The following GUSB variants were observed in gnomAD, a reference collection of about 807,000 sequenced individuals.
GUSB encodes the protein glucuronidase beta, also known as beta-glucuronidase.
A neutral mutation model predicts 74.6 loss-of-function variants in GUSB; 51 were observed. That is an observed-to-expected ratio of 0.68 (90% CI 0.55 to 0.86). The LOEUF is 0.86. Ranked by LOEUF, GUSB falls within the 40% of genes least tolerant of loss-of-function variation. GUSB has a pLI of 0.00. For synonymous variants in GUSB, 360 were observed against 348.3 expected (o/e 1.03, Z -0.37); for missense variants, 736 against 853.7 (o/e 0.86, Z 1.72).
At chr7:65,970,915 A>G (rs563160450) in intron 8 of GUSB, among the ~76,000 whole-genome samples, 32 of 142,556 alleles carry the variant, frequency 2.2e-4, no homozygotes, top group African/African-American at 4.3e-4. Context: ...AACAAAGGGG[A>G]AAAAAAAAAA....
In GUSB at chr7:65,973,281, C is replaced by T. The variant is rs369792261; in HGVS notation, c.1391+1014G>A. Reference sequence around the variant, plus strand: ...AGCCTGGCCCAACATAGTGAAACCCCGTCTCTACTGAAAAATGCAAAAGTT... The same window carrying T: ...AGCCTGGCCCAACATAGTGAAACCCTGTCTCTACTGAAAAATGCAAAAGTT... On this transcript the variant is annotated intron_variant, in intron 8 of 11. Coordinates refer to ENST00000304895, the MANE Select transcript of GUSB (RefSeq NM_000181.4). Among the ~76,000 whole-genome samples, 5 of 152,170 alleles carry T rather than the reference C, an allele frequency of 3.3e-5. No homozygotes were observed. The East Asian group carries it at 5.8e-4, about 18-fold the overall frequency.
chr7:65,980,184 T>A, intron 2 of GUSB, 40 bp downstream of exon 2: 1 of 720,098 alleles, frequency 1.4e-6, no homozygotes, highest in Non-Finnish European at 2.5e-6. Flanking sequence ...TCAGCAGCCG[T>A]GCCCCCCCAC....
chr7:65,963,203 A>G (rs1364803988), intron 11 of GUSB, among the ~76,000 whole-genome samples: 1 of 151,974 alleles, frequency 6.6e-6, no homozygotes, highest in East Asian at 1.9e-4. Flanking sequence ...TCTCCACAAA[A>G]CTGCCATCAG....
intron 4 of GUSB, 78 bp from the exon 5 acceptor site, chr7:65,976,280 C>A: frequency 1.1e-6 from 1 of 951,270 alleles, no homozygotes; most frequent in Non-Finnish European, 1.7e-6. Flanking sequence ...CTGCAGCCAC[C>A]GCTGCCAGGC....
chr7:65,981,899 C>A (rs1792052182), intron 1 of GUSB, 75 bp downstream of exon 1: 1 of 1,318,188 alleles, frequency 7.6e-7, no homozygotes, highest in Admixed American at 2.1e-5. Context: ...GGGAAGAAGT[C>A]TGCGGGGGGC....
intron 9 of GUSB, among the ~76,000 whole-genome samples, chr7:65,969,617 G>A (rs1398358433): frequency 2.0e-5 from 3 of 151,914 alleles, no homozygotes; most frequent in South Asian, 2.1e-4. Context: ...GGATCACTTG[G>A]GCTCAGGAAT....
chr7:65,960,950 A>G lies in GUSB; in HGVS notation c.1903T>C (p.Tyr635His). ...RYWKIANETR[Y>H]PHSVAKSQCL... ...TGTGACTTGGCTACTGAGTGGGGAT[A>G]CCTGGTTTCATTGGCAATCTTCCAG... is the stretch of plus-strand genomic sequence containing the variant. The change falls in exon 12 of 12, where the codon TAT becomes CAT. Residue 635 changes from tyrosine to histidine, a missense_variant. Tyr to His is a moderately conservative substitution (Grantham distance 83). This residue lies in a region of GUSB where 368 missense variants were observed against 489.9 expected (regional missense o/e 0.75). Transcript: ENST00000304895. The G allele has an allele frequency of 1.2e-6, 2 of 1,613,920 alleles. No individual in the cohort carries two copies. The highest frequency in any genetic ancestry group is 1.7e-6 in the Non-Finnish European group (2 of 1,179,932).
chr7:65,975,132 C>A, intron 5 of GUSB, 61 bp from the exon 6 acceptor site: 2 of 1,529,290 alleles, frequency 1.3e-6, no homozygotes, highest in Non-Finnish European at 1.8e-6. Context: ...TCCGGCCTGC[C>A]CTCCAGCAGG....
chr7:65,971,729 T>C (rs939113132), intron 8 of GUSB, among the ~76,000 whole-genome samples: 1 of 150,216 alleles, frequency 6.7e-6, no homozygotes, highest in African/African-American at 2.5e-5. Context: ...AGACTCCATC[T>C]TGCGGAAAAA....
chr7:65,978,536 G>C (rs190235539), intron 4 of GUSB, among the ~76,000 whole-genome samples: 53 of 152,214 alleles, frequency 3.5e-4, no homozygotes, highest in African/African-American at 1.3e-3. Flanking sequence ...GGCAGGCCGA[G>C]GAGGGTGGAT....
At chr7:65,980,470 C>T in intron 1 of GUSB, 61 bp from the exon 2 acceptor site, 1 of 1,472,312 alleles carries the variant, frequency 6.8e-7, no homozygotes, top group Non-Finnish European at 9.4e-7. Context: ...GACCAGTGTG[C>T]TGCACGGCTG....
rs183202467 is a variant in GUSB at position 65,971,342 on chromosome 7, C to T, written c.1392-976G>A. 3.3e-5 allele frequency among the ~76,000 whole-genome samples: 5 copies of T among 152,324 alleles called. No individual in the cohort carries two copies. The East Asian group carries it at 5.8e-4, about 18-fold the overall frequency. Reference sequence around the variant, plus strand: ...TGCAAGTGCCGGGCAAGGCGGCTCACGCCTAGAATCCCAGCACTTTGGGAG... The same window carrying T: ...TGCAAGTGCCGGGCAAGGCGGCTCATGCCTAGAATCCCAGCACTTTGGGAG... On this transcript the variant is annotated intron_variant, in intron 8 of 11. Coordinates refer to ENST00000304895, the MANE Select transcript of GUSB (RefSeq NM_000181.4).
chr7:65,965,859 C>G (rs754794052), intron 10 of GUSB, among the ~76,000 whole-genome samples: 18 of 152,126 alleles, frequency 1.2e-4, no homozygotes, highest in Non-Finnish European at 2.1e-4. Flanking sequence ...CCTAGACCCT[C>G]TCAAGAGTTT....
chr7:65,974,953 T>TA lies in GUSB; in HGVS notation c.1030dup (p.Tyr344LeufsTer9). ...CTCATGCTTGTTGACACCGTGGAAA[T>TA]AGAAAGGTTTCCCATTGATGAGGAA... On this transcript the variant is annotated frameshift_variant, in exon 6 of 12. Transcript: ENST00000304895. LOFTEE classifies it high-confidence loss of function. 6.2e-7 allele frequency: 1 copy of TA among 1,613,722 alleles called. No homozygotes were observed. Among genetic ancestry groups the TA allele is most frequent in the South Asian group, 1.1e-5 (1 of 91,062 alleles).
intron 1 of GUSB, 73 bp from the exon 2 acceptor site, chr7:65,980,482 G>A: frequency 7.3e-7 from 1 of 1,365,570 alleles, no homozygotes; most frequent in Non-Finnish European, 1.0e-6. Flanking sequence ...GCACGGCTGT[G>A]CCCCCAGGCC....
At chr7:65,980,720 G>A (rs1433368733) in intron 1 of GUSB, 4 of 431,700 alleles carry the variant, frequency 9.3e-6, no homozygotes, top group South Asian at 6.3e-5. Flanking sequence ...GATGGCCACT[G>A]CCTGTCACAG....
rs1466009329 is a variant in GUSB at position 65,967,853 on chromosome 7, A to C, written c.1531T>G (p.Tyr511Asp). Residue 511 changes from tyrosine to aspartate, a missense_variant, in exon 10 of 12, where the codon TAC becomes GAC. By Grantham distance (160) the Tyr-to-Asp change is radical. Coordinates refer to ENST00000304895, the MANE Select transcript of GUSB (RefSeq NM_000181.4). ...AGCTGAATCAACTCCAGGTGCCCGT[A>C]GTCGTGATACCAAGAGTAGTAGCTG... is the stretch of plus-strand genomic sequence containing the variant. ...LNSYYSWYHD[Y>D]GHLELIQLQL... The C allele has an allele frequency of 6.2e-7, 1 of 1,607,142 alleles. No homozygotes were observed. The highest frequency in any genetic ancestry group is 1.3e-5 in the African/African-American group (1 of 74,932).
Position 65,974,901 on chromosome 7 carries a change from C to T in GUSB, c.1065+18G>A, listed in dbSNP as rs1316440875. 4 of 1,612,720 alleles carry T rather than the reference C, an allele frequency of 2.5e-6. No individual in the cohort carries two copies. The highest frequency in any genetic ancestry group is 2.7e-5 in the African/African-American group (2 of 74,854). ...GACCAGAAGCAGCCCCGACAAGGAC[C>T]CAGGAGCCCCAACACACGTCCGCAT... On this transcript the variant is annotated intron_variant, in intron 6 of 11. Coordinates refer to ENST00000304895, the MANE Select transcript of GUSB (RefSeq NM_000181.4).
At chr7:65,972,522 C>T (rs1583914708) in intron 8 of GUSB, among the ~76,000 whole-genome samples, 4 of 152,250 alleles carry the variant, frequency 2.6e-5, no homozygotes, top group Admixed American at 6.5e-5. Flanking sequence ...TCTTCTTTTA[C>T]GCCCTCCCCC....
Sources: allele counts gnomAD v4.1 joint callset (sites outside exome capture counted in the v4.1 genomes callset), GRCh38; gene constraint gnomAD v4.1.1; regional missense constraint gnomAD v4.1.1; transcripts MANE v1.5; gene names NCBI Gene and HGNC (gene_info 2026-07-23, HGNC 2026-07-21).